Variants in SPEF2 observed in about 807,000 individuals in gnomAD.
SPEF2 encodes the protein sperm flagella and cilia-associated protein 2.
A neutral mutation model predicts 224.6 loss-of-function variants in SPEF2; 187 were observed. The observed-to-expected ratio is 0.83, with a 90% CI of 0.74 to 0.94. The LOEUF (loss-of-function observed/expected upper bound fraction) is 0.94. SPEF2 is among the 40% of genes least tolerant of loss of function. The pLI, the probability that SPEF2 is intolerant of heterozygous loss-of-function variation, is 0.00. For missense variants in SPEF2, 2,170 were observed against 2,135.6 expected (o/e 1.02, Z -0.32); for synonymous variants, 715 against 707.3 (o/e 1.01, Z -0.17).
intron 2 of SPEF2, among the ~76,000 whole-genome samples, chr5:35,637,083 G>T (rs1248967051): frequency 6.6e-6 from 1 of 152,044 alleles, no homozygotes; most frequent in African/African-American, 2.4e-5. Flanking sequence ...CTGCTAAACT[G>T]CTGGTTTTTA....
intron 6 of SPEF2, among the ~76,000 whole-genome samples, chr5:35,650,478 C>A (rs1482678552): frequency 2.0e-5 from 3 of 152,150 alleles, no homozygotes; most frequent in Admixed American, 2.0e-4. Flanking sequence ...CATTCTTTCA[C>A]CCATCTCTCT....
intron 10 of SPEF2, among the ~76,000 whole-genome samples, chr5:35,674,429 A>G (rs1481689788): frequency 6.9e-6 from 1 of 144,070 alleles, no homozygotes; most frequent in Non-Finnish European, 1.5e-5. Flanking sequence ...CACAATGTGC[A>G]TGTTAGTTAC....
intron 16 of SPEF2, among the ~76,000 whole-genome samples, chr5:35,703,546 T>C (rs1240017572): frequency 6.6e-6 from 1 of 150,926 alleles, no homozygotes; most frequent in Non-Finnish European, 1.5e-5. Context: ...TCATTGGCCA[T>C]GGTACAGAGT....
intron 20 of SPEF2, among the ~76,000 whole-genome samples, chr5:35,721,741 A>G (rs1298368752): frequency 1.2e-5 from 1 of 83,868 alleles, no homozygotes; most frequent in Non-Finnish European, 3.1e-5. Flanking sequence ...CAGTACATAC[A>G]TAGACAGGCA....
intron 23 of SPEF2, among the ~76,000 whole-genome samples, chr5:35,753,072 C>G (rs1749909439): frequency 6.6e-6 from 1 of 151,218 alleles, no homozygotes; most frequent in African/African-American, 2.4e-5. Context: ...TATTTATCAT[C>G]TTGATTATTG....
chr5:35,674,898 T>G (rs1751710247), intron 10 of SPEF2, among the ~76,000 whole-genome samples: 2 of 152,186 alleles, frequency 1.3e-5, no homozygotes, highest in Admixed American at 1.3e-4. Flanking sequence ...ACTTTTAATT[T>G]CACATGAAGT....
chr5:35,652,570 T>G (rs1748358781), intron 6 of SPEF2, among the ~76,000 whole-genome samples: 1 of 152,186 alleles, frequency 6.6e-6, no homozygotes, highest in African/African-American at 2.4e-5. Flanking sequence ...TGATTGGAAC[T>G]TTAGTTTGAT....
chr5:35,643,507 A>G, intron 3 of SPEF2: 1 of 456,084 alleles, frequency 2.2e-6, no homozygotes, highest in Non-Finnish European at 4.4e-6. Context: ...GGACCTAGAG[A>G]CTGGGGCCAC....
At chr5:35,800,744 A>G (rs564444514) in intron 34 of SPEF2, among the ~76,000 whole-genome samples, 2 of 152,208 alleles carry the variant, frequency 1.3e-5, no homozygotes, top group Non-Finnish European at 2.9e-5. Context: ...CTAGGTGCCC[A>G]TTTGTTCTTG....
intron 7 of SPEF2, among the ~76,000 whole-genome samples, chr5:35,657,780 T>C (rs974970636): frequency 2.6e-5 from 4 of 152,212 alleles, no homozygotes; most frequent in African/African-American, 9.6e-5. Flanking sequence ...GTCATATGGC[T>C]AGTGTCTTGG....
rs148213017 is a variant in SPEF2 at position 35,674,825 on chromosome 5, A to T, written c.1524+4598A>T. ...GACACAAACATTCAGCCCATAATATATGCATTTATTCAGGATACTTACAAA... is the reference window on the plus strand; with the variant it reads ...GACACAAACATTCAGCCCATAATATTTGCATTTATTCAGGATACTTACAAA... On this transcript the variant is annotated intron_variant, in intron 10 of 36. Transcript: ENST00000356031. 2.2e-3 allele frequency among the ~76,000 whole-genome samples: 338 copies of T among 152,136 alleles called. 1 individual carries two copies. Among genetic ancestry groups the T allele is most frequent in the African/African-American group, 7.8e-3 (325 of 41,510 alleles).
intron 25 of SPEF2, among the ~76,000 whole-genome samples, chr5:35,760,588 CAA>C (rs751115200): frequency 6.6e-6 from 1 of 151,800 alleles, no homozygotes; most frequent in Admixed American, 6.6e-5. Context: ...TTTCTGCCAG[CAA>C]AAAAATAAAC....
At chr5:35,728,895 A>G (rs1352140285) in intron 21 of SPEF2, among the ~76,000 whole-genome samples, 1 of 152,018 alleles carries the variant, frequency 6.6e-6, no homozygotes, top group African/African-American at 2.4e-5. Context: ...TGTAGGTTCA[A>G]AAACTTACCA....
intron 1 of SPEF2, among the ~76,000 whole-genome samples, chr5:35,627,693 G>C (rs947818331): frequency 6.6e-6 from 1 of 152,182 alleles, no homozygotes; most frequent in Non-Finnish European, 1.5e-5. Flanking sequence ...AAACACTGCT[G>C]CAAAAGAGAG....
At position 35,644,481 on chromosome 5, in the gene SPEF2, T is replaced by C; in HGVS notation, c.541T>C (p.Phe181Leu). The change falls in exon 4 of 37, where the codon TTT (phenylalanine) becomes CTT (leucine). Residue 181 changes from phenylalanine to leucine, a missense_variant. By Grantham distance (22) the Phe-to-Leu change is conservative. Coordinates refer to ENST00000356031, the MANE Select transcript of SPEF2 (RefSeq NM_024867.4). The stretch of plus-strand genomic sequence containing the variant: ...TTTGCATTTTGAGAAACTTGAAAGA[T>C]TTCAAAAACTCAAGGAAGAGCAAAG... ...AHLHFEKLER[F>L]QKLKEEQRCF... The C allele has an allele frequency of 6.2e-7, 1 of 1,605,778 alleles. No homozygotes were observed. Among genetic ancestry groups the C allele is most frequent in the Non-Finnish European group, 8.5e-7 (1 of 1,177,788 alleles).
intron 34 of SPEF2, among the ~76,000 whole-genome samples, chr5:35,806,064 G>C (rs1758009042): frequency 6.6e-6 from 1 of 151,948 alleles, no homozygotes; most frequent in Non-Finnish European, 1.5e-5. Context: ...GTAACTACTG[G>C]GTCAATGATA....
chr5:35,762,893 C>A (rs1751517383), intron 25 of SPEF2, among the ~76,000 whole-genome samples: 1 of 152,188 alleles, frequency 6.6e-6, no homozygotes, highest in Non-Finnish European at 1.5e-5. Context: ...GTCCCCACAG[C>A]ACTTTACAAA....
At chr5:35,756,593 G>C (rs7447258) in intron 24 of SPEF2, among the ~76,000 whole-genome samples, 2 of 152,120 alleles carry the variant, frequency 1.3e-5, no homozygotes, top group Admixed American at 1.3e-4. Flanking sequence ...GTTCGCACAT[G>C]GTTTTGGAGG....
chr5:35,753,827 A>C (rs1750048165), intron 24 of SPEF2, 66 bp downstream of exon 24: 9 of 1,592,336 alleles, frequency 5.7e-6, no homozygotes, highest in Non-Finnish European at 7.7e-6. Context: ...AGTCCTTCAT[A>C]TGACACTTTC....
Sources: gnomAD v4.1 joint callset for allele counts (sites outside exome capture counted in the v4.1 genomes callset) on GRCh38, gnomAD v4.1.1 for gene constraint, MANE v1.5 for transcripts, NCBI Gene and HGNC (gene_info 2026-07-23, HGNC 2026-07-21) for gene names.